Variants in DNAAF4 observed in about 807,000 individuals in gnomAD.
The protein encoded by DNAAF4 is dynein assembly factor 4, axonemal.
Under a neutral mutation model 51.8 loss-of-function variants are expected in DNAAF4, and 43 were observed. The ratio of observed to expected loss-of-function variants is 0.83; its 90% confidence interval spans 0.65 to 1.07. The LOEUF (loss-of-function observed/expected upper bound fraction) is 1.07, where lower values mean the gene tolerates loss of function less well. DNAAF4 is among the 50% of genes least tolerant of loss of function. The pLI, the probability that DNAAF4 is intolerant of heterozygous loss-of-function variation, is 0.00. For missense variants in DNAAF4, 581 were observed against 493.0 expected, an observed-to-expected ratio of 1.18 and a Z score of -1.69; for synonymous variants, 194 against 165.6, an observed-to-expected ratio of 1.17 and a Z score of -1.32.
rs149816695 is a variant in DNAAF4 at position 55,469,400 on chromosome 15, C to G, written c.406-2239G>C. On this transcript the variant is annotated intron_variant, in intron 4 of 9. Transcript: ENST00000321149. ...GAGAAAAAACAAACTGTTTATGCCT[C>G]TTATATACTCTCACAACACTCCATA... Among the ~76,000 whole-genome samples, 748 of 147,978 alleles carry G rather than the reference C, an allele frequency of 5.1e-3. 5 individuals are homozygous for G. Among genetic ancestry groups the G allele is most frequent in the Admixed American group, 8.6e-3 (126 of 14,732 alleles).
At chr15:55,473,263 G>GTA (rs1276786853) in intron 4 of DNAAF4, among the ~76,000 whole-genome samples, 2 of 107,170 alleles carry the variant, frequency 1.9e-5, no homozygotes, top group African/African-American at 4.2e-5. Context: ...ATATATATGT[G>GTA]TATATATGTG....
At position 55,494,108 on chromosome 15, in the gene DNAAF4, C is replaced by T. The variant is rs142563982; in HGVS notation, c.272-2852G>A. ...GCAATGGCACAATCTCGGCTCACCG[C>T]AACCTCCGCCTCCCGGGTTAAAGTG... On this transcript the variant is annotated intron_variant, in intron 3 of 9. Coordinates refer to ENST00000321149, the MANE Select transcript of DNAAF4 (RefSeq NM_130810.4). 5.4e-3 allele frequency among the ~76,000 whole-genome samples: 814 copies of T among 151,830 alleles called. 4 individuals are homozygous for T. Among genetic ancestry groups the T allele is most frequent in the Non-Finnish European group, 9.9e-3 (673 of 67,968 alleles).
intron 4 of DNAAF4, among the ~76,000 whole-genome samples, chr15:55,468,649 A>G (rs1045807530): frequency 2.6e-5 from 4 of 152,218 alleles, no homozygotes; most frequent in Non-Finnish European, 4.4e-5. Context: ...CACATGAAAA[A>G]GGGAGAATAT....
intron 5 of DNAAF4, among the ~76,000 whole-genome samples, chr15:55,462,924 A>C (rs555959016): frequency 6.6e-6 from 1 of 152,302 alleles, no homozygotes; most frequent in East Asian, 1.9e-4. Flanking sequence ...TAATCCCAGC[A>C]CTTCGGGAAG....
intron 6 of DNAAF4, among the ~76,000 whole-genome samples, chr15:55,447,019 C>T (rs1325241747): frequency 2.7e-5 from 4 of 146,500 alleles, no homozygotes; most frequent in African/African-American, 1.0e-4. Context: ...CTCTCCACTT[C>T]CCAGACGGGG....
At chr15:55,465,421 CAG>C (rs1555417696) in intron 5 of DNAAF4, among the ~76,000 whole-genome samples, 18 of 151,644 alleles carry the variant, frequency 1.2e-4, no homozygotes, top group African/African-American at 4.4e-4. Context: ...CACACACACA[CAG>C]ACACACATAC....
At chr15:55,428,615 C>T (rs985422639), downstream of DNAAF4, among the ~76,000 whole-genome samples, 1 of 150,192 alleles carries the variant, frequency 6.7e-6, no homozygotes, top group South Asian at 2.1e-4. Context: ...CTGCCTCAGC[C>T]TCCCGAGTAG....
chr15:55,435,380 T>C (rs778652244), intron 7 of DNAAF4, among the ~76,000 whole-genome samples: 4 of 152,200 alleles, frequency 2.6e-5, no homozygotes, highest in Non-Finnish European at 5.9e-5. Flanking sequence ...GCCTGTGGGT[T>C]GGTTTCAAAG....
At chr15:55,464,822 G>T (rs1023635746) in intron 5 of DNAAF4, among the ~76,000 whole-genome samples, 2 of 152,114 alleles carry the variant, frequency 1.3e-5, no homozygotes, top group Non-Finnish European at 2.9e-5. Context: ...AGGCATGGTG[G>T]TACATGCCTG....
chr15:55,476,604 G>A (rs549349702), intron 4 of DNAAF4, among the ~76,000 whole-genome samples: 41 of 152,186 alleles, frequency 2.7e-4, no homozygotes, highest in African/African-American at 8.9e-4. Flanking sequence ...CGTTTTAATA[G>A]AACATGATTC....
intron 4 of DNAAF4, among the ~76,000 whole-genome samples, chr15:55,477,991 A>G (rs1240044832): frequency 6.6e-6 from 1 of 152,108 alleles, no homozygotes; most frequent in Non-Finnish European, 1.5e-5. Context: ...CCCAGCTCCC[A>G]CGGAGGAGCT....
At chr15:55,434,787 C>A in intron 8 of DNAAF4, 118 bp downstream of exon 8, 13 of 923,606 alleles carry the variant, frequency 1.4e-5, no homozygotes, top group South Asian at 9.2e-5. Context: ...ATAAGAAAGA[C>A]AATCTTTAAA....
chr15:55,478,995 T>C (rs1318629362), intron 4 of DNAAF4, among the ~76,000 whole-genome samples: 2 of 152,124 alleles, frequency 1.3e-5, no homozygotes, highest in Admixed American at 6.6e-5. Flanking sequence ...TTTAGAAAAC[T>C]TGTATGGTTT....
chr15:55,421,439 G>T (rs2141380902), intron 7 of DNAAF4, among the ~76,000 whole-genome samples: 1 of 151,956 alleles, frequency 6.6e-6, no homozygotes, highest in Admixed American at 6.6e-5. Flanking sequence ...GGAGGTGGAG[G>T]TTGCAGTGAG....
At chr15:55,435,387 A>G (rs1278781597) in intron 7 of DNAAF4, among the ~76,000 whole-genome samples, 1 of 152,186 alleles carries the variant, frequency 6.6e-6, no homozygotes, top group Non-Finnish European at 1.5e-5. Context: ...GGTTGGTTTC[A>G]AAGTTGAAGA....
intron 9 of DNAAF4, among the ~76,000 whole-genome samples, chr15:55,432,223 T>C (rs2057507807): frequency 6.6e-6 from 1 of 152,140 alleles, no homozygotes; most frequent in South Asian, 2.1e-4. Context: ...AGTGCTGGGA[T>C]TACAGGCATG....
chr15:55,420,732 C>G (rs540634346), intron 7 of DNAAF4, among the ~76,000 whole-genome samples: 1 of 152,288 alleles, frequency 6.6e-6, no homozygotes, highest in South Asian at 2.1e-4. Context: ...AGTTTATTAG[C>G]CTGTTCTTGC....
chr15:55,430,931 T>C, intron 9 of DNAAF4, 152 bp from the exon 10 acceptor site: 1 of 583,556 alleles, frequency 1.7e-6, no homozygotes, highest in South Asian at 2.3e-5. Flanking sequence ...CTTTTTTTTT[T>C]GAGACAGAGT....
chr15:55,500,567 C>A (rs1481694850), intron 1 of DNAAF4, among the ~76,000 whole-genome samples: 1 of 152,186 alleles, frequency 6.6e-6, no homozygotes, highest in Non-Finnish European at 1.5e-5. Flanking sequence ...ATACTTTGTG[C>A]TGTCGGGGAT....
Sources: allele counts gnomAD v4.1 joint callset (sites outside exome capture counted in the v4.1 genomes callset), GRCh38; gene constraint gnomAD v4.1.1; transcripts MANE v1.5; gene names NCBI Gene and HGNC (gene_info 2026-07-23, HGNC 2026-07-21).